The following MAF variants were observed in gnomAD, a reference collection of about 807,000 sequenced individuals.
MAF encodes the protein transcription factor Maf.
Under a neutral mutation model 22.0 loss-of-function variants are expected in MAF, and 10 were observed. The ratio of observed to expected loss-of-function variants is 0.45; its 90% confidence interval spans 0.28 to 0.77. The LOEUF (loss-of-function observed/expected upper bound fraction) is 0.77, where lower values mean the gene tolerates loss of function less well. MAF is among the 30% of genes least tolerant of loss of function. MAF has a pLI of 0.12. For missense variants in MAF, 544 were observed against 548.4 expected (o/e 0.99, Z 0.08); for synonymous variants, 337 against 255.8 (o/e 1.32, Z -3.03).
rs186864493 is a variant in MAF at position 79,599,663 on chromosome 16, C to G, written c.240G>C (p.Ser80=). 3.6e-4 allele frequency: 573 copies of G among 1,612,114 alleles called. 3 individuals are homozygous for G. The East Asian group carries it at 0.013, about 35-fold the overall frequency. Residue 80 remains serine (S), a synonymous_variant, in exon 1 of 2, where the codon TCG becomes TCC. Transcript: ENST00000326043. ...SPSFSAPSPG[S]GSEQKAHLED... is the part of the protein sequence containing the mutation. The stretch of plus-strand genomic sequence containing the variant: ...CCAGGTGCGCCTTCTGCTCGCTGCC[C>G]GAGCCCGGGCTGGGCGCCGAGAAGC...
the MAF span, among the ~76,000 whole-genome samples, chr16:79,458,424 A>G: frequency 1.3e-5 from 2 of 152,128 alleles, no homozygotes; most frequent in African/African-American, 4.8e-5. Context: ...GAGTGTTTTT[A>G]TTTCATGAGG....
At chr16:79,365,606 G>A in the MAF span, among the ~76,000 whole-genome samples, 1 of 151,992 alleles carries the variant, frequency 6.6e-6, no homozygotes. Flanking sequence ...GGATTGGGGT[G>A]TAGGGGTCTG....
At chr16:79,236,944 G>GAAAAGAAA in the MAF span, among the ~76,000 whole-genome samples, 1 of 140,658 alleles carries the variant, frequency 7.1e-6, no homozygotes, top group Non-Finnish European at 1.5e-5. Flanking sequence ...ATAAATCTCG[G>GAAAAGAAA]AAAAAAAAAA....
the MAF span, among the ~76,000 whole-genome samples, chr16:79,300,901 C>T: frequency 6.6e-6 from 1 of 151,664 alleles, no homozygotes; most frequent in African/African-American, 2.4e-5. Flanking sequence ...TGTTTTTATA[C>T]AAACCAAAAT....
chr16:79,543,138 A>T, the MAF span, among the ~76,000 whole-genome samples: 1 of 152,248 alleles, frequency 6.6e-6, no homozygotes, highest in Non-Finnish European at 1.5e-5. Context: ...TCGTGGTAAC[A>T]TCATGAAGAG....
chr16:79,488,745 C>CT, the MAF span, among the ~76,000 whole-genome samples: 10 of 152,250 alleles, frequency 6.6e-5, no homozygotes, highest in African/African-American at 1.9e-4. Flanking sequence ...CAGAGGCACC[C>CT]TTAGAGAATG....
the MAF span, among the ~76,000 whole-genome samples, chr16:79,418,526 G>A: frequency 4.6e-5 from 7 of 152,152 alleles, no homozygotes; most frequent in Admixed American, 6.5e-5. Context: ...GCAGCCCCGT[G>A]GTGAGGGGGC....
the MAF span, among the ~76,000 whole-genome samples, chr16:79,471,877 T>C: frequency 6.6e-6 from 1 of 152,186 alleles, no homozygotes; most frequent in African/African-American, 2.4e-5. Flanking sequence ...AAGAAAAAAC[T>C]TTTACCAGGT....
chr16:79,286,255 C>A, the MAF span, among the ~76,000 whole-genome samples: 2 of 152,166 alleles, frequency 1.3e-5, no homozygotes, highest in Non-Finnish European at 1.5e-5. Flanking sequence ...CCCAGAAAGT[C>A]TATCTAGGTG....
the MAF span, among the ~76,000 whole-genome samples, chr16:79,516,659 T>C: frequency 1.3e-5 from 2 of 152,338 alleles, no homozygotes; most frequent in African/African-American, 4.8e-5. Flanking sequence ...ATGGAATGTG[T>C]CTCTGAAGAT....
chr16:79,431,478 T>G, the MAF span, among the ~76,000 whole-genome samples: 5 of 152,234 alleles, frequency 3.3e-5, no homozygotes, highest in Non-Finnish European at 7.3e-5. Flanking sequence ...TGCATCTTAT[T>G]AAGTATTTAA....
chr16:79,587,072 AT>A (rs1912888896), intron 1 of MAF, among the ~76,000 whole-genome samples: 1 of 152,222 alleles, frequency 6.6e-6, no homozygotes, highest in Non-Finnish European at 1.5e-5. Flanking sequence ...TTCATTCCAC[AT>A]AACCCTCTAA....
chr16:79,496,698 G>A, the MAF span, among the ~76,000 whole-genome samples: 1 of 152,324 alleles, frequency 6.6e-6, no homozygotes, highest in Admixed American at 6.5e-5. Flanking sequence ...AGGATCTAGA[G>A]ATGCTTCAAT....
chr16:79,417,620 C>G, the MAF span, among the ~76,000 whole-genome samples: 1 of 152,060 alleles, frequency 6.6e-6, no homozygotes, highest in African/African-American at 2.4e-5. Context: ...AGGCGGGGGT[C>G]CCCAGCCCTA....
the MAF span, among the ~76,000 whole-genome samples, chr16:79,244,505 A>G: frequency 6.6e-6 from 1 of 152,196 alleles, no homozygotes; most frequent in East Asian, 1.9e-4. Flanking sequence ...AATACAACTT[A>G]CAAGAGATTA....
At chr16:79,565,569 G>C in the MAF span, among the ~76,000 whole-genome samples, 1 of 151,982 alleles carries the variant, frequency 6.6e-6, no homozygotes, top group Non-Finnish European at 1.5e-5. Context: ...TGCTGTTCTT[G>C]TGATAGTGAG....
At chr16:79,381,043 G>T in the MAF span, among the ~76,000 whole-genome samples, 4 of 152,250 alleles carry the variant, frequency 2.6e-5, no homozygotes, top group African/African-American at 9.6e-5. Flanking sequence ...AGGGCAGGCT[G>T]GCAGGGCCAC....
chr16:79,437,816 A>G, the MAF span, among the ~76,000 whole-genome samples: 1 of 152,150 alleles, frequency 6.6e-6, no homozygotes, highest in South Asian at 2.1e-4. Context: ...CTCCCTCACA[A>G]CAGAAACTTC....
the MAF span, among the ~76,000 whole-genome samples, chr16:79,447,028 G>C: frequency 2.2e-4 from 34 of 152,102 alleles, no homozygotes; most frequent in African/African-American, 8.2e-4. Context: ...ATTATAAATT[G>C]GGTGTATTCA....
Sources: gnomAD v4.1 joint callset for allele counts (sites outside exome capture counted in the v4.1 genomes callset) on GRCh38, gnomAD v4.1.1 for gene constraint, MANE v1.5 for transcripts, NCBI Gene and HGNC (gene_info 2026-07-23, HGNC 2026-07-21) for gene names.